The following PDZRN3 variants were observed in gnomAD, a reference collection of about 807,000 sequenced individuals.
PDZRN3 encodes PDZ domain containing ring finger 3, also known as E3 ubiquitin-protein ligase PDZRN3.
PDZRN3 carries 38 observed loss-of-function variants against 85.7 expected under a neutral mutation model. The ratio of observed to expected loss-of-function variants is 0.44; its 90% CI spans 0.34 to 0.58. The LOEUF (loss-of-function observed/expected upper bound fraction) is 0.58, where lower values mean the gene tolerates loss of function less well. Ranked by LOEUF, PDZRN3 falls within the 20% of genes least tolerant of loss-of-function variation. The pLI, the probability that PDZRN3 is intolerant of heterozygous loss-of-function variation, is 0.01. For synonymous variants in PDZRN3, 759 were observed against 638.0 expected, an observed-to-expected ratio of 1.19 and a Z score of -2.86; for missense variants, 1,629 against 1,506.4, an observed-to-expected ratio of 1.08 and a Z score of -1.35.
chr3:73,527,436 G>A (rs1704551020), intron 3 of PDZRN3, among the ~76,000 whole-genome samples: 1 of 152,068 alleles, frequency 6.6e-6, no homozygotes, highest in Admixed American at 6.6e-5. Flanking sequence ...AGAATGCTGA[G>A]GTCCTCGAAT....
chr3:73,563,390 A>G (rs1701876462), intron 3 of PDZRN3, among the ~76,000 whole-genome samples: 2 of 152,038 alleles, frequency 1.3e-5, no homozygotes, highest in South Asian at 4.2e-4. Context: ...AATCAAAAGC[A>G]GTGGTTAGGA....
At chr3:73,503,687 A>C (rs4476452) in intron 3 of PDZRN3, among the ~76,000 whole-genome samples, 105,760 of 152,166 alleles carry the variant, frequency 0.7, 36,958 homozygotes, top group East Asian at 0.91. Flanking sequence ...AAAATGTAAC[A>C]CAGCATTTAT....
chr3:73,564,563 T>C (rs1362806437), intron 3 of PDZRN3, among the ~76,000 whole-genome samples: 5 of 100,904 alleles, frequency 5.0e-5, no homozygotes, highest in African/African-American at 1.9e-4. Context: ...AATTTTCACC[T>C]GATCTACACA....
intron 3 of PDZRN3, among the ~76,000 whole-genome samples, chr3:73,467,134 G>A (rs1703235940): frequency 6.6e-6 from 1 of 152,182 alleles, no homozygotes; most frequent in Admixed American, 6.5e-5. Context: ...TTCACTTTCA[G>A]GTTGGTGATC....
chr3:73,558,705 G>C (rs1001566577), intron 3 of PDZRN3, among the ~76,000 whole-genome samples: 2 of 152,222 alleles, frequency 1.3e-5, no homozygotes, highest in Admixed American at 1.3e-4. Context: ...AACACAGCAG[G>C]CTCCCTCTAT....
chr3:73,383,502 G>A lies in PDZRN3; in HGVS notation c.3064C>T (p.His1022Tyr), dbSNP rs1162767999. ...TTCCTCTTCTTCATCATCTTTTTGT[G>A]GCTCAGTTCGAGAATGTTCATCTCC... Reference protein sequence around the residue: ...RKEMNILELSHKKMMKKRNKK... With the variant: ...RKEMNILELSYKKMMKKRNKK... The change falls in exon 10 of 10, where the codon CAC becomes TAC. Residue 1022 changes from histidine to tyrosine, a missense_variant. Physicochemically the swap from His to Tyr is moderately conservative, Grantham distance 83. Coordinates refer to ENST00000263666, the MANE Select transcript of PDZRN3 (RefSeq NM_015009.3). The A allele has an allele frequency of 3.7e-6, 6 of 1,614,092 alleles. No individual in the cohort carries two copies. Among genetic ancestry groups the A allele is most frequent in the Non-Finnish European group, 5.1e-6 (6 of 1,180,016 alleles).
intron 3 of PDZRN3, among the ~76,000 whole-genome samples, chr3:73,437,612 T>C (rs1702555705): frequency 6.6e-6 from 1 of 152,146 alleles, no homozygotes; most frequent in African/African-American, 2.4e-5. Flanking sequence ...CAAATTCGAC[T>C]CATGGTTGAG....
Position 73,467,981 on chromosome 3 carries a change from G to A in PDZRN3, c.919-63586C>T, listed in dbSNP as rs115766793. On this transcript the variant is annotated intron_variant, in intron 3 of 9. Transcript: ENST00000263666. ...TAGGAGCTGTCATTTATTGGATAAA[G>A]AGTTTCATTATTTGCAAGATGAGAA... Among the ~76,000 whole-genome samples the A allele has an allele frequency of 5.7e-3, 863 of 152,212 alleles. 11 individuals carry two copies. The highest frequency in any genetic ancestry group is 0.02 in the African/African-American group (832 of 41,518).
At chr3:73,515,133 G>A (rs1232483939) in intron 3 of PDZRN3, among the ~76,000 whole-genome samples, 2 of 150,574 alleles carry the variant, frequency 1.3e-5, no homozygotes, top group Non-Finnish European at 3.0e-5. Flanking sequence ...TTCTGACTAG[G>A]TAATTGGGTG....
intron 3 of PDZRN3, among the ~76,000 whole-genome samples, chr3:73,416,876 G>GTTTTTTTTTTTTTTTTTT (rs146381615): frequency 1.8e-4 from 20 of 110,400 alleles, no homozygotes; most frequent in African/African-American, 2.1e-4. Flanking sequence ...TTTTTTTTTG[G>GTTTTTTTTTTTTTTTTTT]TTTTTTTTTT....
At chr3:73,566,395 A>T (rs1701951052) in intron 3 of PDZRN3, among the ~76,000 whole-genome samples, 1 of 152,250 alleles carries the variant, frequency 6.6e-6, no homozygotes, top group African/African-American at 2.4e-5. Context: ...GAAAGTCTTT[A>T]TCCATAAAAT....
At chr3:73,476,508 G>T (rs1703451671) in intron 3 of PDZRN3, among the ~76,000 whole-genome samples, 1 of 152,262 alleles carries the variant, frequency 6.6e-6, no homozygotes, top group South Asian at 2.1e-4. Context: ...GATTTGGGTG[G>T]GGACACAGAG....
intron 3 of PDZRN3, among the ~76,000 whole-genome samples, chr3:73,448,504 G>T (rs1346199692): frequency 3.9e-5 from 6 of 152,202 alleles, no homozygotes; most frequent in Admixed American, 3.9e-4. Flanking sequence ...CTGCAGAGTA[G>T]ATGGGGAGAA....
At position 73,401,203 on chromosome 3, in the gene PDZRN3, C is replaced by G. The variant is rs1701741598; in HGVS notation, c.1167-194G>C. On this transcript the variant is annotated intron_variant, in intron 4 of 9. Coordinates refer to ENST00000263666, the MANE Select transcript of PDZRN3 (RefSeq NM_015009.3). ...CTAATTTTACCATTTGCCTTTAGTA[C>G]ATTTCCTCCTGAAGGACTTAAGATG... 5.6e-6 allele frequency: 3 copies of G among 531,542 alleles called. No homozygotes were observed. The South Asian group carries it at 6.8e-5, about 12-fold the overall frequency. 32.9% of individuals were successfully genotyped at this position (531,542 alleles called of 1,614,324 possible).
intron 8 of PDZRN3, among the ~76,000 whole-genome samples, chr3:73,386,797 T>C (rs1167318024): frequency 2.0e-5 from 3 of 152,230 alleles, no homozygotes; most frequent in Non-Finnish European, 4.4e-5. Flanking sequence ...TGAAGTTCCC[T>C]TTGAGCTCAT....
intron 3 of PDZRN3, among the ~76,000 whole-genome samples, chr3:73,589,019 A>T (rs1702317130): frequency 6.6e-6 from 1 of 151,080 alleles, no homozygotes; most frequent in Admixed American, 6.6e-5. Flanking sequence ...TTCATAAAAC[A>T]GTTTAATGGC....
At chr3:73,416,492 G>C (rs1028250475) in intron 3 of PDZRN3, among the ~76,000 whole-genome samples, 3 of 151,348 alleles carry the variant, frequency 2.0e-5, no homozygotes, top group Non-Finnish European at 4.4e-5. Flanking sequence ...GTTCCTTCTT[G>C]GGGGCTTCCC....
At position 73,419,289 on chromosome 3, in the gene PDZRN3, TAAC is replaced by T. The variant is rs532216743; in HGVS notation, c.919-14897_919-14895del. Reference sequence around the variant, plus strand: ...AAATGTAAGGCTGGAAAAAGGATGTTAACAAGTTTTTAAAGAGTAAAGTTATCA... The same window carrying T: ...AAATGTAAGGCTGGAAAAAGGATGTTAAGTTTTTAAAGAGTAAAGTTATCA... On this transcript the variant is annotated intron_variant, in intron 3 of 9. Coordinates refer to ENST00000263666, the MANE Select transcript of PDZRN3 (RefSeq NM_015009.3). Among the ~76,000 whole-genome samples, 76 of 152,282 alleles carry T rather than the reference TAAC, an allele frequency of 5.0e-4. 1 individual carries two copies. The South Asian group carries it at 0.015, about 30-fold the overall frequency.
chr3:73,560,116 C>G (rs80157775), intron 3 of PDZRN3, among the ~76,000 whole-genome samples: 1 of 152,170 alleles, frequency 6.6e-6, no homozygotes, highest in East Asian at 1.9e-4. Flanking sequence ...TCTGTAGGTA[C>G]GAACATGACT....
Sources: gnomAD v4.1 joint callset for allele counts (sites outside exome capture counted in the v4.1 genomes callset) on GRCh38, gnomAD v4.1.1 for gene constraint, MANE v1.5 for transcripts, NCBI Gene and HGNC (gene_info 2026-07-23, HGNC 2026-07-21) for gene names.